The following MITF variants were observed in gnomAD, a reference collection of about 807,000 sequenced individuals.
MITF encodes the protein melanocyte inducing transcription factor.
In MITF, 17 loss-of-function variants were observed where a neutral mutation model predicts 60.5. That is an observed-to-expected ratio of 0.28 (90% confidence interval 0.19 to 0.42). MITF has a LOEUF of 0.42. Ranked by LOEUF, MITF falls within the 10% of genes least tolerant of loss-of-function variation. The probability of loss-of-function intolerance (pLI) is 1.00; values close to 1 mark genes in which losing one functional copy is unlikely to be tolerated. For missense variants in MITF, 622 were observed against 683.5 expected (o/e 0.91, Z 1.00); for synonymous variants, 260 against 248.5 (o/e 1.05, Z -0.43).
At chr3:69,767,527 G>A (rs537517802) in intron 1 of MITF, among the ~76,000 whole-genome samples, 1 of 152,136 alleles carries the variant, frequency 6.6e-6, no homozygotes, top group Non-Finnish European at 1.5e-5. Context: ...GGAGGTTGCA[G>A]TCAGCCGAGA....
chr3:69,948,545 T>TA (rs796754740), intron 5 of MITF, among the ~76,000 whole-genome samples: 2,091 of 138,922 alleles, frequency 0.015, 31 homozygotes, highest in African/African-American at 0.046. Context: ...CATTTCCAAT[T>TA]AAAAAAAAAA....
At chr3:69,933,642 A>G (rs907913660) in intron 2 of MITF, among the ~76,000 whole-genome samples, 1 of 152,216 alleles carries the variant, frequency 6.6e-6, no homozygotes, top group African/African-American at 2.4e-5. Flanking sequence ...TATAAGTTAT[A>G]TCAATAAATA....
chr3:69,828,505 A>G (rs1247655595), intron 1 of MITF, among the ~76,000 whole-genome samples: 2 of 152,080 alleles, frequency 1.3e-5, no homozygotes, highest in Non-Finnish European at 2.9e-5. Context: ...CGACATTTTA[A>G]TAGCTTTTAA....
At chr3:69,921,873 GA>G (rs1424098685) in intron 2 of MITF, among the ~76,000 whole-genome samples, 1 of 152,164 alleles carries the variant, frequency 6.6e-6, no homozygotes, top group Admixed American at 6.5e-5. Flanking sequence ...TCTTTGTTTT[GA>G]AAGGCTGTCT....
intron 2 of MITF, among the ~76,000 whole-genome samples, chr3:69,922,579 A>C (rs1209014781): frequency 5.3e-5 from 8 of 152,172 alleles, no homozygotes; most frequent in Non-Finnish European, 1.5e-5. Flanking sequence ...GTTTTTAACA[A>C]AAGGGCAGTC....
At chr3:69,873,988 A>C (rs1278570274) in intron 1 of MITF, among the ~76,000 whole-genome samples, 2 of 151,578 alleles carry the variant, frequency 1.3e-5, no homozygotes, top group Non-Finnish European at 2.9e-5. Context: ...GCATTTTGAA[A>C]CCCCTGTAGC....
intron 8 of MITF, among the ~76,000 whole-genome samples, chr3:69,958,900 C>A (rs571378240): frequency 6.6e-6 from 1 of 151,782 alleles, no homozygotes; most frequent in Non-Finnish European, 1.5e-5. Flanking sequence ...ACACTAGGCA[C>A]GTGGCAAACA....
At chr3:69,885,648 G>A (rs1297295801) in intron 2 of MITF, among the ~76,000 whole-genome samples, 2 of 152,078 alleles carry the variant, frequency 1.3e-5, no homozygotes, top group African/African-American at 2.4e-5. Flanking sequence ...AACAGTATAT[G>A]TGTCTTTTAA....
intron 1 of MITF, among the ~76,000 whole-genome samples, chr3:69,772,583 C>A (rs1337068215): frequency 6.6e-6 from 1 of 152,146 alleles, no homozygotes; most frequent in African/African-American, 2.4e-5. Flanking sequence ...AGTCATGCAG[C>A]CTTAAAAGGG....
chr3:69,831,781 G>C (rs558443816), intron 1 of MITF, among the ~76,000 whole-genome samples: 31 of 152,334 alleles, frequency 2.0e-4, no homozygotes, highest in African/African-American at 7.5e-4. Flanking sequence ...ATGACACAGT[G>C]AAAGGTGAGC....
chr3:69,899,104 T>C (rs1363467064), intron 2 of MITF, among the ~76,000 whole-genome samples: 1 of 152,116 alleles, frequency 6.6e-6, no homozygotes, highest in Non-Finnish European at 1.5e-5. Context: ...GGGGAAGTGT[T>C]TGGGCCGGGA....
intron 1 of MITF, among the ~76,000 whole-genome samples, chr3:69,850,912 A>T (rs1175888481): frequency 6.6e-6 from 1 of 152,152 alleles, no homozygotes; most frequent in East Asian, 1.9e-4. Context: ...TTGCATGCTC[A>T]TGGAGCCCCC....
chr3:69,813,331 A>G (rs1392269412), intron 1 of MITF, among the ~76,000 whole-genome samples: 2 of 152,184 alleles, frequency 1.3e-5, no homozygotes, highest in Non-Finnish European at 2.9e-5. Flanking sequence ...ATGCATTTAC[A>G]CCAAGTGGAA....
chr3:69,923,582 A>G (rs1284072630), intron 2 of MITF, among the ~76,000 whole-genome samples: 2 of 152,192 alleles, frequency 1.3e-5, no homozygotes, highest in Admixed American at 6.5e-5. Flanking sequence ...TTGGCCTCCC[A>G]GAGTGCTGGG....
chr3:69,821,690 T>TAAAAAAAAAA (rs72371556), intron 1 of MITF, among the ~76,000 whole-genome samples: 8 of 113,246 alleles, frequency 7.1e-5, no homozygotes, highest in Non-Finnish European at 1.2e-4. Context: ...AAAAAAAAAC[T>TAAAAAAAAAA]AAAAAAAAAA....
At chr3:69,909,022 T>C (rs1295359947) in intron 2 of MITF, among the ~76,000 whole-genome samples, 2 of 152,192 alleles carry the variant, frequency 1.3e-5, no homozygotes, top group African/African-American at 4.8e-5. Flanking sequence ...TGTTTGTTTG[T>C]TTTTTAAAGA....
intron 1 of MITF, among the ~76,000 whole-genome samples, chr3:69,750,129 TA>T (rs1703875108): frequency 1.3e-5 from 2 of 152,168 alleles, no homozygotes; most frequent in Non-Finnish European, 2.9e-5. Flanking sequence ...CTGCTGTCCT[TA>T]GGGAGTCTCT....
At chr3:69,770,400 G>A (rs144580794) in intron 1 of MITF, among the ~76,000 whole-genome samples, 1 of 152,282 alleles carries the variant, frequency 6.6e-6, no homozygotes, top group African/African-American at 2.4e-5. Context: ...CCTATCCAGG[G>A]TAGGTTGGTC....
chr3:69,881,533 C>T (rs2064487707), intron 2 of MITF, among the ~76,000 whole-genome samples: 2 of 151,924 alleles, frequency 1.3e-5, no homozygotes, highest in Admixed American at 6.5e-5. Flanking sequence ...TAAGTGATTG[C>T]TTCAGATACT....
Sources: allele counts gnomAD v4.1 joint callset (sites outside exome capture counted in the v4.1 genomes callset), GRCh38; gene constraint gnomAD v4.1.1; transcripts MANE v1.5; gene names NCBI Gene and HGNC (gene_info 2026-07-23, HGNC 2026-07-21).